RCOR3: variants seen among roughly 807,000 people sequenced by gnomAD.
The protein encoded by RCOR3 is REST corepressor 3.
RCOR3 carries 13 observed loss-of-function variants against 64.1 expected under a neutral mutation model. That is an observed-to-expected ratio of 0.20 (90% CI 0.13 to 0.32). RCOR3 has a LOEUF of 0.32. Ranked by LOEUF, RCOR3 falls within the 10% of genes least tolerant of loss-of-function variation. The probability of loss-of-function intolerance (pLI) is 1.00; values close to 1 mark genes in which losing one functional copy is unlikely to be tolerated. For missense variants in RCOR3, 489 were observed against 701.2 expected (o/e 0.70, Z 3.42); for synonymous variants, 215 against 239.0 (o/e 0.90, Z 0.93).
chr1:211,272,985 A>T (rs1483331873), intron 3 of RCOR3, among the ~76,000 whole-genome samples: 1 of 152,158 alleles, frequency 6.6e-6, no homozygotes, highest in Non-Finnish European at 1.5e-5. Flanking sequence ...TGGAAACCAC[A>T]GGTCAGTTGG....
At chr1:211,304,842 T>C (rs1700707557) in intron 10 of RCOR3, among the ~76,000 whole-genome samples, 1 of 152,224 alleles carries the variant, frequency 6.6e-6, no homozygotes, top group Admixed American at 6.5e-5. Flanking sequence ...AAGTTGTATA[T>C]TTTTATTCAT....
intron 9 of RCOR3, among the ~76,000 whole-genome samples, chr1:211,300,532 T>C (rs1700272019): frequency 6.6e-6 from 1 of 152,206 alleles, no homozygotes; most frequent in Admixed American, 6.5e-5. Flanking sequence ...GAGGTTATGT[T>C]CTCTTTTATA....
intron 1 of RCOR3, 58 bp downstream of exon 1, chr1:211,259,784 C>T (rs1489164399): frequency 1.4e-5 from 18 of 1,330,244 alleles, no homozygotes; most frequent in South Asian, 3.0e-5. Context: ...CTTCCCCTCC[C>T]CCAGCCCCCT....
At chr1:211,277,088 A>AC (rs1553254118) in intron 5 of RCOR3, among the ~76,000 whole-genome samples, 1 of 150,964 alleles carries the variant, frequency 6.6e-6, no homozygotes, top group Non-Finnish European at 1.5e-5. Flanking sequence ...TCTGTCTCAA[A>AC]AAAAAAAACA....
chr1:211,278,953 C>G (rs1697385155), intron 6 of RCOR3, among the ~76,000 whole-genome samples: 1 of 152,140 alleles, frequency 6.6e-6, no homozygotes, highest in African/African-American at 2.4e-5. Flanking sequence ...CTTTGGGAGG[C>G]TGAGGCGGGC....
chr1:211,289,018 A>ATGTG (rs571215791), intron 7 of RCOR3, among the ~76,000 whole-genome samples, 160 bp from the exon 8 acceptor site: 1 of 151,838 alleles, frequency 6.6e-6, no homozygotes, highest in Non-Finnish European at 1.5e-5. Flanking sequence ...GGTGAGTGTT[A>ATGTG]TGTGTGTGTG....
At chr1:211,262,480 G>T (rs897994244) in intron 2 of RCOR3, among the ~76,000 whole-genome samples, 15 of 151,676 alleles carry the variant, frequency 9.9e-5, no homozygotes, top group Admixed American at 6.6e-5. Context: ...AGTCTGTGTG[G>T]TTTTTTTTGG....
intron 2 of RCOR3, among the ~76,000 whole-genome samples, chr1:211,262,822 G>GTT (rs11406987): frequency 0.08 from 11,458 of 142,772 alleles, 977 homozygotes; most frequent in East Asian, 0.26. Flanking sequence ...ATGGCCACTG[G>GTT]TTTTTTTTTT....
chr1:211,294,273 CTT>C (rs1238646032), intron 8 of RCOR3, among the ~76,000 whole-genome samples: 1 of 152,164 alleles, frequency 6.6e-6, no homozygotes, highest in Non-Finnish European at 1.5e-5. Context: ...GGTGTTAAAA[CTT>C]TTCATCTGAT....
chr1:211,264,988 C>T (rs1332174724), intron 2 of RCOR3, among the ~76,000 whole-genome samples: 1 of 152,120 alleles, frequency 6.6e-6, no homozygotes, highest in African/African-American at 2.4e-5. Flanking sequence ...GATGAACTAC[C>T]TGACTTCTCT....
At chr1:211,307,098 T>C (rs1271622340) in intron 10 of RCOR3, among the ~76,000 whole-genome samples, 2 of 152,224 alleles carry the variant, frequency 1.3e-5, no homozygotes, top group Non-Finnish European at 2.9e-5. Context: ...TTGTAGCTTA[T>C]ACATATATAC....
chr1:211,290,569 G>A (rs980119933), intron 8 of RCOR3, among the ~76,000 whole-genome samples: 3 of 151,586 alleles, frequency 2.0e-5, no homozygotes, highest in East Asian at 1.9e-4. Context: ...GTAGAGAAAC[G>A]TTCTTGCTAT....
chr1:211,315,749 A>C lies in RCOR3; in HGVS notation c.*1981A>C, dbSNP rs1038201198. 1 of 152,200 alleles carries C rather than the reference A, an allele frequency of 6.6e-6. No individual in the cohort carries two copies. Among genetic ancestry groups the C allele is most frequent in the African/African-American group, 2.4e-5 (1 of 41,452 alleles). The allele number at this position is 152,200 out of a possible 1,614,324, so 9.4% of individuals were successfully genotyped here. ...CTGTTCAGTATATTGTGATTCATTA[A>C]AAAATCTCTTCTATCCCAGACATGG... is the stretch of plus-strand genomic sequence containing the variant. On this transcript the variant is annotated 3_prime_UTR_variant, in exon 12 of 12. Transcript: ENST00000419091.
chr1:211,276,129 C>A, intron 4 of RCOR3, 128 bp from the exon 5 acceptor site: 1 of 864,670 alleles, frequency 1.2e-6, no homozygotes, highest in Non-Finnish European at 1.8e-6. Flanking sequence ...ATTTAAAGTC[C>A]CAAACTGTGA....
chr1:211,263,329 G>A (rs540068214), intron 2 of RCOR3, among the ~76,000 whole-genome samples: 5 of 152,058 alleles, frequency 3.3e-5, no homozygotes, highest in African/African-American at 7.2e-5. Flanking sequence ...CTTAATTGAC[G>A]ATAATATTTT....
At chr1:211,277,011 G>A (rs1177544429) in intron 5 of RCOR3, among the ~76,000 whole-genome samples, 2 of 151,498 alleles carry the variant, frequency 1.3e-5, no homozygotes, top group East Asian at 1.9e-4. Context: ...GCTTGAACCC[G>A]GGAGGCAGAG....
intron 7 of RCOR3, among the ~76,000 whole-genome samples, chr1:211,283,452 C>T (rs925434074): frequency 6.6e-6 from 1 of 152,180 alleles, no homozygotes; most frequent in African/African-American, 2.4e-5. Context: ...AGCTGATATA[C>T]CTCCACTAGA....
chr1:211,269,246 C>A (rs1242881210), intron 2 of RCOR3, among the ~76,000 whole-genome samples: 1 of 151,718 alleles, frequency 6.6e-6, no homozygotes, highest in East Asian at 1.9e-4. Context: ...GGTGGATCAT[C>A]TGAGGTTGGG....
At chr1:211,299,727 A>G (rs1023808085) in intron 9 of RCOR3, among the ~76,000 whole-genome samples, 1 of 152,160 alleles carries the variant, frequency 6.6e-6, no homozygotes, top group Non-Finnish European at 1.5e-5. Context: ...ATTATTATAT[A>G]TTAGATTGTC....
Sources: allele counts gnomAD v4.1 joint callset (sites outside exome capture counted in the v4.1 genomes callset), GRCh38; gene constraint gnomAD v4.1.1; transcripts MANE v1.5; gene names NCBI Gene and HGNC (gene_info 2026-07-23, HGNC 2026-07-21).